PCDHGA9: variants seen among roughly 807,000 people sequenced by gnomAD.
The protein encoded by PCDHGA9 is protocadherin gamma subfamily A, 9.
A neutral mutation model predicts 62.5 loss-of-function variants in PCDHGA9; 37 were observed. The observed-to-expected ratio is 0.59, with a 90% CI of 0.46 to 0.78. The LOEUF is 0.78. PCDHGA9 is among the 30% of genes least tolerant of loss of function. The probability of loss-of-function intolerance (pLI) is 0.00; values close to 1 mark genes in which losing one functional copy is unlikely to be tolerated. For missense variants in PCDHGA9, 1,138 were observed against 1,166.2 expected, an observed-to-expected ratio of 0.98 and a Z score of 0.35; for synonymous variants, 459 against 484.6, an observed-to-expected ratio of 0.95 and a Z score of 0.69.
At chr5:141,415,650 A>G in intron 1 of PCDHGA9, 1 of 1,597,054 alleles carries the variant, frequency 6.3e-7, no homozygotes, top group Non-Finnish European at 8.5e-7. Context: ...TTAAAAAAAA[A>G]AAGATTGGTT....
intron 3 of PCDHGA9, among the ~76,000 whole-genome samples, chr5:141,508,624 G>A (rs552418899): frequency 3.3e-5 from 5 of 152,256 alleles, no homozygotes; most frequent in African/African-American, 9.6e-5. Context: ...TGGGTGGGCC[G>A]AGCTTCTAGC....
At position 141,489,358 on chromosome 5, in the gene PCDHGA9, G is replaced by A; in HGVS notation, c.2425-5449G>A. On this transcript the variant is annotated intron_variant, in intron 1 of 3. Transcript: ENST00000573521. This position sits in a 1 kb window ranked among gnomAD's most constrained non-coding sequence, Gnocchi z 4.5. ...TCGTTACTCAGTGGTGGAGGAGTCT[G>A]AGCCGGGGACGCTGGTGGGGAATGT... 1 of 1,613,144 alleles carries A rather than the reference G, an allele frequency of 6.2e-7. No individual in the cohort carries two copies. The highest frequency in any genetic ancestry group is 8.5e-7 in the Non-Finnish European group (1 of 1,179,278).
intron 1 of PCDHGA9, chr5:141,422,303 A>AAAAC: frequency 6.5e-7 from 1 of 1,548,740 alleles, no homozygotes; most frequent in Non-Finnish European, 8.7e-7. Flanking sequence ...TCAATTCTGG[A>AAAAC]AAACTCTCCT....
rs747633858 is a variant in PCDHGA9, at chr5:141,491,133, C to T, written c.2425-3674C>T. 6.2e-6 allele frequency: 10 copies of T among 1,614,158 alleles called. No homozygotes were observed. In the South Asian group the frequency reaches 9.9e-5, roughly 16 times the overall value. The stretch of plus-strand genomic sequence containing the variant: ...CACACACTGGTGAGGTGCGCACAGC[C>T]CGGGCCTTACTGGAGGATGACTCTG... On this transcript the variant is annotated intron_variant, in intron 1 of 3. Transcript: ENST00000573521. The surrounding 1 kb of genome is among the most constrained non-coding windows in gnomAD (Gnocchi z 6.9).
chr5:141,468,939 G>A (rs2099186103), intron 1 of PCDHGA9, among the ~76,000 whole-genome samples: 1 of 144,350 alleles, frequency 6.9e-6, no homozygotes, highest in Non-Finnish European at 1.5e-5. Context: ...ATGGGAGATG[G>A]GGTAAACCTG....
chr5:141,472,486 G>A (rs1300618918), intron 1 of PCDHGA9, among the ~76,000 whole-genome samples: 1 of 152,050 alleles, frequency 6.6e-6, no homozygotes, highest in Non-Finnish European at 1.5e-5. Flanking sequence ...CTTGCAGTGA[G>A]ACGAGATCGT....
At position 141,447,140 on chromosome 5, in the gene PCDHGA9, T is replaced by C. The variant is rs770212881; in HGVS notation, c.2424+41764T>C. ...ATGGATTTTTTTGTTTGTTTGTTTT[T>C]TGTTTTTGTTTTTGTTTAAGCGGGG... On this transcript the variant is annotated intron_variant, in intron 1 of 3. Coordinates refer to ENST00000573521, the MANE Select transcript of PCDHGA9 (RefSeq NM_018921.3). Among the ~76,000 whole-genome samples the C allele has an allele frequency of 6.6e-5, 10 of 152,158 alleles. 1 individual carries two copies. Among genetic ancestry groups the C allele is most frequent in the Non-Finnish European group, 1.2e-4 (8 of 68,042 alleles).
At chr5:141,450,887 C>T (rs531604055) in intron 1 of PCDHGA9, among the ~76,000 whole-genome samples, 18 of 148,682 alleles carry the variant, frequency 1.2e-4, no homozygotes, top group East Asian at 1.2e-3. Flanking sequence ...TGCAGTGGTG[C>T]GATATCGGCT....
At position 141,490,370 on chromosome 5, in the gene PCDHGA9, G is replaced by A. The variant is rs768474199; in HGVS notation, c.2425-4437G>A. Reference sequence around the variant, plus strand: ...GTGGGGTTGTTTAATGTGCGAGACCGGGACTCAGGTAGAAATGGTGAAGTG... The same window carrying A: ...GTGGGGTTGTTTAATGTGCGAGACCAGGACTCAGGTAGAAATGGTGAAGTG... On this transcript the variant is annotated intron_variant, in intron 1 of 3. Coordinates refer to ENST00000573521, the MANE Select transcript of PCDHGA9 (RefSeq NM_018921.3). The surrounding 1 kb of genome is among the most constrained non-coding windows in gnomAD (Gnocchi z 5.4). 32 of 1,614,054 alleles carry A rather than the reference G, an allele frequency of 2.0e-5. No homozygotes were observed. The highest frequency in any genetic ancestry group is 1.0e-4 in the Admixed American group (6 of 60,006).
At position 141,510,973 on chromosome 5, in the gene PCDHGA9, G is replaced by A. The variant is rs1448442252; in HGVS notation, c.2599G>A (p.Gly867Arg). 2 of 1,614,042 alleles carry A rather than the reference G, an allele frequency of 1.2e-6. No individual in the cohort carries two copies. Among genetic ancestry groups the A allele is most frequent in the East Asian group, 2.2e-5 (1 of 44,894 alleles). ...AGCTGCTGATGGGAGCTCCACCCTG[G>A]GAGGGGGTGCCGGCACCATGGGATT... ...SEAADGSSTL[G>R]GGAGTMGLSA... Residue 867 changes from glycine (G) to arginine (R), a missense_variant, in exon 4 of 4, where the codon GGA (glycine) becomes AGA (arginine). Gly to Arg is a moderately radical substitution (Grantham distance 125). Transcript: ENST00000573521.
rs1414722237 is a variant in PCDHGA9 at position 141,432,748 on chromosome 5, C to T, written c.2424+27372C>T. On this transcript the variant is annotated intron_variant, in intron 1 of 3. Coordinates refer to ENST00000573521, the MANE Select transcript of PCDHGA9 (RefSeq NM_018921.3). The surrounding 1 kb of genome is among the most constrained non-coding windows in gnomAD (Gnocchi z 6.0). ...CCGCCACTGTCACGCTCACCGTGGC[C>T]GTGGCCGACAGCATCCCCCAAGTCC... 1 of 1,614,120 alleles carries T rather than the reference C, an allele frequency of 6.2e-7. No homozygotes were observed. The highest frequency in any genetic ancestry group is 8.5e-7 in the Non-Finnish European group (1 of 1,179,980).
chr5:141,414,000 A>C (rs759228883), intron 1 of PCDHGA9: 20 of 1,613,400 alleles, frequency 1.2e-5, no homozygotes, highest in Non-Finnish European at 1.6e-5. Flanking sequence ...ACAGGGACGA[A>C]GGTGCCAATG....
At position 141,496,266 on chromosome 5, in the gene PCDHGA9, AAGACCTTC is replaced by A. The variant is rs2099767586; in HGVS notation, c.2483+1404_2483+1411del. Among the ~76,000 whole-genome samples the A allele has an allele frequency of 2.0e-5, 3 of 152,152 alleles. No homozygotes were observed. The South Asian group carries it at 6.2e-4, about 32-fold the overall frequency. Reference sequence around the variant, plus strand: ...TGAAGGGGAGGGAAACTTCAGCAGAAAGACCTTCAGTTGGTCTGAGCAGAGTGGGATAG... The same window carrying A: ...TGAAGGGGAGGGAAACTTCAGCAGAAAGTTGGTCTGAGCAGAGTGGGATAG... On this transcript the variant is annotated intron_variant, in intron 2 of 3. Coordinates refer to ENST00000573521, the MANE Select transcript of PCDHGA9 (RefSeq NM_018921.3).
intron 2 of PCDHGA9, among the ~76,000 whole-genome samples, chr5:141,504,741 T>C (rs968590796): frequency 2.6e-5 from 4 of 151,826 alleles, no homozygotes; most frequent in South Asian, 2.1e-4. Context: ...TAGGAAGCCA[T>C]TGAATTTTAG....
chr5:141,505,513 G>A lies in PCDHGA9; in HGVS notation c.2572+32G>A, dbSNP rs1157816684. ...GGTGTCAGTGTGTGTATGGAAGAGT[G>A]GGAGACCTGGGGTTCTGGGGTGCAT... On this transcript the variant is annotated intron_variant, in intron 3 of 3. Coordinates refer to ENST00000573521, the MANE Select transcript of PCDHGA9 (RefSeq NM_018921.3). The A allele has an allele frequency of 3.1e-6, 5 of 1,613,710 alleles. No homozygotes were observed. In the South Asian group the frequency reaches 3.3e-5, roughly 11 times the overall value.
chr5:141,413,372 G>T lies in PCDHGA9; in HGVS notation c.2424+7996G>T, dbSNP rs760934804. ...CTGGCGCCCCGGGAGCTGGCGGAGCGCGGAGTCCGCATAGTCTCCAGAGGT... is the reference window on the plus strand; with the variant it reads ...CTGGCGCCCCGGGAGCTGGCGGAGCTCGGAGTCCGCATAGTCTCCAGAGGT... On this transcript the variant is annotated intron_variant, in intron 1 of 3. Transcript: ENST00000573521. The T allele has an allele frequency of 1.9e-6, 3 of 1,613,950 alleles. No individual in the cohort carries two copies. The South Asian group carries it at 3.3e-5, about 18-fold the overall frequency.
intron 2 of PCDHGA9, among the ~76,000 whole-genome samples, chr5:141,503,598 CAA>C (rs765754054): frequency 2.7e-4 from 18 of 65,718 alleles, no homozygotes; most frequent in Admixed American, 6.9e-4. Flanking sequence ...GACTCCAGCT[CAA>C]AAAAAAAAAA....
chr5:141,467,084 A>T, intron 1 of PCDHGA9, among the ~76,000 whole-genome samples: 1 of 142,674 alleles, frequency 7.0e-6, no homozygotes, highest in African/African-American at 2.6e-5. Context: ...ACCAAGTCTC[A>T]CTCTGTCACA....
At chr5:141,447,950 G>T (rs1195519095) in intron 1 of PCDHGA9, among the ~76,000 whole-genome samples, 1 of 152,052 alleles carries the variant, frequency 6.6e-6, no homozygotes, top group Non-Finnish European at 1.5e-5. Flanking sequence ...GCTGGGCATG[G>T]TGGCGGACAC....
Sources: gnomAD v4.1 joint callset for allele counts (sites outside exome capture counted in the v4.1 genomes callset) on GRCh38, gnomAD v4.1.1 for gene constraint, Gnocchi (gnomAD v3.1) non-coding constraint, MANE v1.5 for transcripts, NCBI Gene and HGNC (gene_info 2026-07-23, HGNC 2026-07-21) for gene names.